TTN: variants seen among roughly 807,000 people sequenced by gnomAD.
TTN encodes titin.
Under a neutral mutation model 3,223.0 loss-of-function variants are expected in TTN, and 1,525 were observed. The ratio of observed to expected loss-of-function variants is 0.47; its 90% CI spans 0.45 to 0.49. TTN has a LOEUF of 0.49. Among genes scored for constraint, TTN ranks in the 20% least tolerant of loss-of-function variants. TTN has a pLI of 0.00. For synonymous variants in TTN, 14,094 were observed against 15,161.0 expected (o/e 0.93, Z 5.17); for missense variants, 40,786 against 43,424.0 (o/e 0.94, Z 5.40).
At chr2:178,750,692 T>C (rs948280689) in intron 47 of TTN, 2 of 1,612,512 alleles carry the variant, frequency 1.2e-6, no homozygotes, top group East Asian at 2.2e-5. Context: ...TCTCAAATCA[T>C]CCTTTTTTAT....
chr2:178,564,187 T>C lies in TTN; in HGVS notation c.81945A>G (p.Glu27315=). ...CCATTCTAGCAGCTGTTTCTTCAAGTTCTTTTCCATCTTTTGACCAAACAA... is the reference window on the plus strand; with the variant it reads ...CCATTCTAGCAGCTGTTTCTTCAAGCTCTTTTCCATCTTTTGACCAAACAA... The part of the protein sequence containing the change: ...PDVVWSKDGK[E]LEETAARMEI... The change falls in exon 326 of 363, where the codon GAA becomes GAG. Residue 27315 remains glutamate (E), a synonymous_variant. Transcript: ENST00000589042. The C allele has an allele frequency of 1.9e-6, 3 of 1,613,728 alleles. No individual in the cohort carries two copies. Among genetic ancestry groups the C allele is most frequent in the Non-Finnish European group, 2.5e-6 (3 of 1,179,770 alleles).
rs1213182154 is a variant in TTN at position 178,724,493 on chromosome 2, A to G, written c.20882T>C (p.Val6961Ala). 6.2e-7 allele frequency: 1 copy of G among 1,608,804 alleles called. No homozygotes were observed. Among genetic ancestry groups the G allele is most frequent in the Non-Finnish European group, 8.5e-7 (1 of 1,175,896 alleles). The change falls in exon 72 of 363, where the codon GTA becomes GCA. Residue 6961 changes from valine (V) to alanine (A), a missense_variant. Val to Ala is a moderately conservative substitution (Grantham distance 64). Transcript: ENST00000589042. The stretch of plus-strand genomic sequence containing the variant: ...ACACTCCAGAGTGCACGTTTCTCCT[A>G]CAGTCACCGTCATCGGTCCTGCCTT... ...VEKAGPMTVT[V>A]GETCTLECKV...
intron 160 of TTN, 55 bp from the exon 161 acceptor site, chr2:178,667,580 T>A: frequency 1.9e-6 from 3 of 1,580,824 alleles, no homozygotes; most frequent in Non-Finnish European, 2.6e-6. Context: ...AATATTGAGC[T>A]TTTTAAAAGG....
Position 178,728,090 on chromosome 2 carries a change from A to C in TTN, c.19714+20T>G, listed in dbSNP as rs1415269445. 2.0e-6 allele frequency: 3 copies of C among 1,532,982 alleles called. No homozygotes were observed. Among genetic ancestry groups the C allele is most frequent in the Non-Finnish European group, 2.6e-6 (3 of 1,142,336 alleles). The allele number at this position is 1,532,982 out of a possible 1,614,324, so 95.0% of individuals were successfully genotyped here. On this transcript the variant is annotated intron_variant, in intron 67 of 362. Transcript: ENST00000589042. ...AAGCATTCGCAAGGAAGAATCAAGA[A>C]GAGGTAAAGAAATTCTAACCTTTCA... is the stretch of plus-strand genomic sequence containing the variant.
At chr2:178,665,813 G>C in intron 163 of TTN, 22 bp from the exon 164 acceptor site, 1 of 1,192,350 alleles carries the variant, frequency 8.4e-7, no homozygotes, top group Non-Finnish European at 1.1e-6. Context: ...TGAATGCATT[G>C]TACTTTGGAG....
In TTN at chr2:178,634,536, T is replaced by C; in HGVS notation, c.42245A>G (p.Asn14082Ser). The C allele has an allele frequency of 1.9e-6, 3 of 1,613,370 alleles. No individual in the cohort carries two copies. The highest frequency in any genetic ancestry group is 2.5e-6 in the Non-Finnish European group (3 of 1,179,538). The change falls in exon 230 of 363, where the codon AAT becomes AGT. Residue 14082 changes from asparagine (N) to serine (S), a missense_variant. Transcript: ENST00000589042. This position sits in a 1 kb window ranked among gnomAD's most constrained non-coding sequence, Gnocchi z 4.6. ...ATCAGGTCCTTTGGACCATATAACATTTGCCTCTCGGGTGAGGACACATTC... is the reference window on the plus strand; with the variant it reads ...ATCAGGTCCTTTGGACCATATAACACTTGCCTCTCGGGTGAGGACACATTC... ...RFECVLTREA[N>S]VIWSKGPDII... is the part of the protein sequence containing the mutation.
intron 149 of TTN, 103 bp downstream of exon 149, chr2:178,675,568 G>GGTCTGTCATTC: frequency 1.1e-6 from 1 of 916,686 alleles, no homozygotes; most frequent in Non-Finnish European, 1.5e-6. Context: ...GAATGTGAAT[G>GGTCTGTCATTC]ACAGACCATA....
At chr2:178,751,485 C>G (rs1484978405) in intron 47 of TTN, 1 of 1,613,294 alleles carries the variant, frequency 6.2e-7, no homozygotes, top group South Asian at 1.1e-5. Flanking sequence ...AAGGGAGAGC[C>G]AGTAAACCTC....
chr2:178,576,522 TA>T lies in TTN; in HGVS notation c.69715+6del, dbSNP rs1575818880. 1 of 1,611,146 alleles carries T rather than the reference TA, an allele frequency of 6.2e-7. No individual in the cohort carries two copies. Among genetic ancestry groups the T allele is most frequent in the Non-Finnish European group, 8.5e-7 (1 of 1,179,106 alleles). On this transcript the variant is annotated splice_donor_region_variant and intron_variant, in intron 325 of 362. Coordinates refer to ENST00000589042, the MANE Select transcript of TTN (RefSeq NM_001267550.2). This position sits in a 1 kb window ranked among gnomAD's most constrained non-coding sequence, Gnocchi z 4.3. ...AATGAACGGTGTTGAAAAAGACAAA[TA>T]CTAACATGCTGCATCTTTCATCAGA...
Position 178,608,493 on chromosome 2 carries a change from C to T in TTN, c.52406-16G>A, listed in dbSNP as rs372221219. On this transcript the variant is annotated splice_polypyrimidine_tract_variant and intron_variant, in intron 274 of 362. Transcript: ENST00000589042. ...TCAGGTGGTCCTGATAAAAAAATAACATTTGAAGTAAATTTCCCAGTATGA... is the reference window on the plus strand; with the variant it reads ...TCAGGTGGTCCTGATAAAAAAATAATATTTGAAGTAAATTTCCCAGTATGA... 1.3e-4 allele frequency: 208 copies of T among 1,567,808 alleles called. No homozygotes were observed. The African/African-American group carries it at 2.5e-3, about 19-fold the overall frequency.
intron 21 of TTN, 36 bp from the exon 22 acceptor site, chr2:178,780,241 C>T (rs563598504): frequency 1.4e-5 from 22 of 1,563,288 alleles, no homozygotes; most frequent in African/African-American, 1.4e-4. Context: ...TTTTAATGCT[C>T]TTATTAGAAA....
At chr2:178,544,529 T>G in intron 344 of TTN, 23 bp from the exon 345 acceptor site, 4 of 1,567,532 alleles carry the variant, frequency 2.6e-6, no homozygotes, top group Non-Finnish European at 3.5e-6. Flanking sequence ...AAAAGTGAGA[T>G]GCAGATATTA....
chr2:178,543,913 C>T lies in TTN; in HGVS notation c.96231G>A (p.Arg32077=). 6.2e-7 allele frequency: 1 copy of T among 1,613,622 alleles called. No individual in the cohort carries two copies. ...YSLLIVDKVN[R]YDAGKYTIEA... is the part of the protein sequence containing the mutation. ...CAATTGTGTATTTTCCAGCATCGTACCGATTAACTTTGTCCACTATTAGCA... is the reference window on the plus strand; with the variant it reads ...CAATTGTGTATTTTCCAGCATCGTATCGATTAACTTTGTCCACTATTAGCA... The change falls in exon 346 of 363, where the codon CGG becomes CGA. Residue 32077 remains arginine, a synonymous_variant. Coordinates refer to ENST00000589042, the MANE Select transcript of TTN (RefSeq NM_001267550.2).
In TTN at chr2:178,601,755, A is replaced by G; in HGVS notation, c.55335T>C (p.Ile18445=). 6.2e-7 allele frequency: 1 copy of G among 1,607,224 alleles called. No homozygotes were observed. Residue 18445 remains isoleucine, a synonymous_variant, in exon 286 of 363, where the codon ATT becomes ATC. Coordinates refer to ENST00000589042, the MANE Select transcript of TTN (RefSeq NM_001267550.2). ...LETAENSSVI[I]IPECKRSHTG... Reference sequence around the variant, plus strand: ...TATGAGATCGTTTACACTCCGGAATAATAATTACTGAGGAGTTTTCAGCAG... The same window carrying G: ...TATGAGATCGTTTACACTCCGGAATGATAATTACTGAGGAGTTTTCAGCAG...
In TTN at chr2:178,663,708, G is replaced by A. The variant is rs370418622; in HGVS notation, c.36451C>T (p.Pro12151Ser). 6.4e-5 allele frequency: 103 copies of A among 1,613,174 alleles called. No homozygotes were observed. In the South Asian group the frequency reaches 1.0e-3, roughly 16 times the overall value. ...KEPEVPPVKV[P>S]EPPKEVVPEK... ...GGAACTACTTCTTTGGGAGGCTCTG[G>A]TACTTAAAAGATATTAGCAAAATTA... is the stretch of plus-strand genomic sequence containing the variant. Residue 12151 changes from proline to serine, a missense_variant and splice_region_variant, in exon 171 of 363, where the codon CCA becomes TCA. By Grantham distance (74) the Pro-to-Ser change is moderately conservative (BLOSUM62 -1). Transcript: ENST00000589042.
At chr2:178,647,656 A>G (rs80126750) in intron 213 of TTN, among the ~76,000 whole-genome samples, 192 bp from the exon 214 acceptor site, 3 of 152,220 alleles carry the variant, frequency 2.0e-5, no homozygotes, top group East Asian at 1.9e-4. Context: ...ATTTGCTTCT[A>G]GTCCTCTGTG....
At chr2:178,527,412 C>T in intron 362 of TTN, 34 bp downstream of exon 362, 4 of 1,598,672 alleles carry the variant, frequency 2.5e-6, no homozygotes, top group Non-Finnish European at 3.4e-6. Flanking sequence ...TGTTACTTGG[C>T]TTGTCTACCT....
chr2:178,762,598 A>G (rs1489456566), intron 43 of TTN, among the ~76,000 whole-genome samples: 1 of 152,200 alleles, frequency 6.6e-6, no homozygotes, highest in Admixed American at 6.5e-5. Context: ...AAATTCCTCT[A>G]AAAATTAAAT....
rs776290296 is a variant in TTN at position 178,702,087 on chromosome 2, G to T, written c.30512-21C>A. On this transcript the variant is annotated intron_variant, in intron 108 of 362. Transcript: ENST00000589042. ...GATTTCTGCAAAATAAAAAAAAAAT[G>T]ATATTTTTGTGTTCAGAATGGTATA... The T allele has an allele frequency of 4.4e-6, 7 of 1,608,546 alleles. No individual in the cohort carries two copies. The South Asian group carries it at 7.8e-5, about 18-fold the overall frequency.
Sources: allele counts gnomAD v4.1 joint callset (sites outside exome capture counted in the v4.1 genomes callset), GRCh38; gene constraint gnomAD v4.1.1; non-coding constraint Gnocchi (gnomAD v3.1); transcripts MANE v1.5; gene names NCBI Gene and HGNC (gene_info 2026-07-23, HGNC 2026-07-21).